JPH2: variants seen among roughly 807,000 people sequenced by gnomAD.
The protein encoded by JPH2 is junctophilin 2, also known as junctophilin-2.
A neutral mutation model predicts 55.9 loss-of-function variants in JPH2; 38 were observed. That is an observed-to-expected ratio of 0.68 (90% CI 0.52 to 0.89). The LOEUF is 0.89. JPH2 is among the 40% of genes least tolerant of loss of function. The pLI is 0.00. For missense variants in JPH2, 964 were observed against 1,037.6 expected (o/e 0.93, Z 0.97); for synonymous variants, 480 against 472.4 (o/e 1.02, Z -0.21).
chr20:44,170,365 G>A (rs539430548), intron 1 of JPH2, among the ~76,000 whole-genome samples: 4 of 152,306 alleles, frequency 2.6e-5, no homozygotes, highest in South Asian at 2.1e-4. Flanking sequence ...ACCAGCCATC[G>A]CTGATCCTTC....
At chr20:44,145,677 G>A (rs2072489865) in intron 2 of JPH2, among the ~76,000 whole-genome samples, 1 of 151,780 alleles carries the variant, frequency 6.6e-6, no homozygotes, top group Admixed American at 6.6e-5. Flanking sequence ...AGGTGGAGGA[G>A]ATAAAAACAT....
Position 44,106,839 on chromosome 20 carries a change from G to A in JPH2, c.*6679C>T, listed in dbSNP as rs551595552. Among the ~76,000 whole-genome samples, 17 of 152,184 alleles carry A rather than the reference G, an allele frequency of 1.1e-4. No homozygotes were observed. Among genetic ancestry groups the A allele is most frequent in the South Asian group, 1.0e-3 (5 of 4,806 alleles). On this transcript the variant is annotated 3_prime_UTR_variant, in exon 6 of 6. Transcript: ENST00000372980. ...CCTCCCACTGGGTCCCTCCCACAAC[G>A]TGTGGGTGGGAATTTAAGATGAGAT...
rs1349877369 is a variant in JPH2 at position 44,134,644 on chromosome 20, A to AAATAT, written c.1170-16022_1170-16021insATATT. Among the ~76,000 whole-genome samples the AAATAT allele has an allele frequency of 5.0e-3, 152 of 30,658 alleles. 34 individuals carry two copies. The highest frequency in any genetic ancestry group is 6.4e-3 in the Non-Finnish European group (117 of 18,266). The allele number at this position is 30,658 out of a possible 152,430, so 20.1% of individuals were successfully genotyped here. On this transcript the variant is annotated intron_variant, in intron 2 of 5. Coordinates refer to ENST00000372980, the MANE Select transcript of JPH2 (RefSeq NM_020433.5). ...AATATATATTTATTATAAATATATA[A>AAATAT]ATATTTATTATAAATATATATAAAT...
At chr20:44,121,348 ATGTG>A (rs1370658639) in intron 2 of JPH2, among the ~76,000 whole-genome samples, 2 of 152,126 alleles carry the variant, frequency 1.3e-5, no homozygotes, top group Non-Finnish European at 2.9e-5. Context: ...TGGGGAGCTG[ATGTG>A]TGTGTGTCTT....
intron 2 of JPH2, among the ~76,000 whole-genome samples, chr20:44,156,899 C>T (rs1043842071): frequency 6.6e-6 from 1 of 152,176 alleles, no homozygotes; most frequent in Non-Finnish European, 1.5e-5. Flanking sequence ...GTGATGCCAA[C>T]GGCTCACACA....
chr20:44,155,555 T>C (rs2072559896), intron 2 of JPH2, among the ~76,000 whole-genome samples: 2 of 152,192 alleles, frequency 1.3e-5, no homozygotes, highest in Non-Finnish European at 2.9e-5. Flanking sequence ...CTCTTGAGTG[T>C]GGGCTGCACT....
intron 2 of JPH2, among the ~76,000 whole-genome samples, chr20:44,139,165 G>C (rs1391281888): frequency 2.0e-5 from 3 of 152,310 alleles, no homozygotes; most frequent in Middle Eastern, 3.4e-3. Flanking sequence ...CAAGGACAAG[G>C]CAAGGAGAGC....
chr20:44,156,147 AG>A (rs1460708335), intron 2 of JPH2, among the ~76,000 whole-genome samples: 1 of 152,258 alleles, frequency 6.6e-6, no homozygotes, highest in Non-Finnish European at 1.5e-5. Context: ...ATGATCCTTC[AG>A]GAAATCCTGA....
intron 1 of JPH2, among the ~76,000 whole-genome samples, chr20:44,182,113 G>A (rs545968080): frequency 2.5e-4 from 38 of 152,298 alleles, no homozygotes; most frequent in African/African-American, 8.9e-4. Context: ...TTAAGGTTTG[G>A]TGAGTTTAAA....
rs540135903 is a variant in JPH2, at chr20:44,169,104, G to T, written c.380-8697C>A. 9.2e-5 allele frequency among the ~76,000 whole-genome samples: 14 copies of T among 151,802 alleles called. 1 individual carries two copies. Among genetic ancestry groups the T allele is most frequent in the Middle Eastern group, 3.5e-3 (1 of 284 alleles). On this transcript the variant is annotated intron_variant, in intron 1 of 5. Transcript: ENST00000372980. ...TTATCAGAGGTAGATGCTCCACCTT[G>T]AACTTTCCAGCCACCAGAATCGTTA...
At chr20:44,183,962 G>A (rs2072808609) in intron 1 of JPH2, among the ~76,000 whole-genome samples, 1 of 151,858 alleles carries the variant, frequency 6.6e-6, no homozygotes, top group South Asian at 2.1e-4. Flanking sequence ...GACCAGCCTG[G>A]CCAACGTGGC....
chr20:44,141,979 C>T (rs1054855144), intron 2 of JPH2, among the ~76,000 whole-genome samples: 6 of 152,200 alleles, frequency 3.9e-5, no homozygotes, highest in Non-Finnish European at 8.8e-5. Flanking sequence ...CAAGAGATGG[C>T]GAGCTCCCCA....
At position 44,143,948 on chromosome 20, in the gene JPH2, G is replaced by A. The variant is rs534943504; in HGVS notation, c.1169+15670C>T. ...AATAGGGGATGGAGACAAAGAGGGG[G>A]TGCTTGACTCCCCAAAGAACCAGAG... On this transcript the variant is annotated intron_variant, in intron 2 of 5. Coordinates refer to ENST00000372980, the MANE Select transcript of JPH2 (RefSeq NM_020433.5). Among the ~76,000 whole-genome samples, 7 of 152,198 alleles carry A rather than the reference G, an allele frequency of 4.6e-5. No homozygotes were observed. The South Asian group carries it at 1.0e-3, about 23-fold the overall frequency.
chr20:44,111,398 G>A lies in JPH2; in HGVS notation c.*2120C>T, dbSNP rs888725528. Among the ~76,000 whole-genome samples the A allele has an allele frequency of 3.9e-5, 6 of 152,196 alleles. No individual in the cohort carries two copies. Among genetic ancestry groups the A allele is most frequent in the African/African-American group, 9.7e-5 (4 of 41,438 alleles). On this transcript the variant is annotated 3_prime_UTR_variant, in exon 6 of 6. Coordinates refer to ENST00000372980, the MANE Select transcript of JPH2 (RefSeq NM_020433.5). ...TGAGAAAACTGAGGCTCAGAGAAGC[G>A]AAGAAAGTGGCTGGGCTAGCATTGG... is the stretch of plus-strand genomic sequence containing the variant.
chr20:44,162,444 A>C (rs542203849), intron 1 of JPH2, among the ~76,000 whole-genome samples: 2 of 152,224 alleles, frequency 1.3e-5, no homozygotes, highest in African/African-American at 4.8e-5. Flanking sequence ...GGGTGTTGCC[A>C]AAGGAGATTA....
At chr20:44,134,903 T>TAA (rs2072397269) in intron 2 of JPH2, among the ~76,000 whole-genome samples, 1 of 43,390 alleles carries the variant, frequency 2.3e-5, no homozygotes, top group African/African-American at 7.9e-5. Flanking sequence ...TATATTTATA[T>TAA]ATATATATAA....
At chr20:44,148,104 G>A (rs150614345) in intron 2 of JPH2, among the ~76,000 whole-genome samples, 6 of 152,066 alleles carry the variant, frequency 3.9e-5, no homozygotes, top group African/African-American at 7.2e-5. Flanking sequence ...CAGAGGTTGC[G>A]GTGAGCCAAG....
intron 1 of JPH2, among the ~76,000 whole-genome samples, chr20:44,163,551 T>C (rs1403458399): frequency 6.6e-6 from 1 of 152,212 alleles, no homozygotes; most frequent in African/African-American, 2.4e-5. Flanking sequence ...TCATGTACAA[T>C]GCCAGGGGCT....
Position 44,116,370 on chromosome 20 carries a change from C to T in JPH2, c.1305G>A (p.Lys435=), listed in dbSNP as rs1569181574. The T allele has an allele frequency of 6.5e-7, 1 of 1,548,010 alleles. No homozygotes were observed. Among genetic ancestry groups the T allele is most frequent in the East Asian group, 2.4e-5 (1 of 40,876 alleles). Reference sequence around the variant, plus strand: ...CCAGGATCTCCTGCAGCAGCCGGCGCTTCTGATATTCCGGACCTGCCAGGG... The same window carrying T: ...CCAGGATCTCCTGCAGCAGCCGGCGTTTCTGATATTCCGGACCTGCCAGGG... ...DFYQPGPEYQ[K]RRLLQEILEN... The change falls in exon 4 of 6, where the codon AAG becomes AAA. Residue 435 remains lysine, a synonymous_variant. Coordinates refer to ENST00000372980, the MANE Select transcript of JPH2 (RefSeq NM_020433.5).
Sources: gnomAD v4.1 joint callset for allele counts (sites outside exome capture counted in the v4.1 genomes callset) on GRCh38, gnomAD v4.1.1 for gene constraint, MANE v1.5 for transcripts, NCBI Gene and HGNC (gene_info 2026-07-23, HGNC 2026-07-21) for gene names.